The following SHLD1 variants were observed in gnomAD, a reference collection of about 807,000 sequenced individuals.
SHLD1 encodes the protein RINN1-REV7-interacting novel NHEJ regulator 3.
In SHLD1, 3 loss-of-function variants were observed where a neutral mutation model predicts 5.5. The observed-to-expected ratio is 0.54, with a 90% confidence interval of 0.25 to 1.40. The LOEUF (loss-of-function observed/expected upper bound fraction) is 1.40. Ranked by LOEUF, SHLD1 falls within the 40% of genes most tolerant of loss-of-function variation. The pLI is 0.15. For missense variants in SHLD1, 210 were observed against 244.4 expected, an observed-to-expected ratio of 0.86 and a Z score of 0.94; for synonymous variants, 92 against 94.3, an observed-to-expected ratio of 0.98 and a Z score of 0.14.
At chr20:5,790,905 G>A (rs974259822) in intron 2 of SHLD1, among the ~76,000 whole-genome samples, 1 of 152,166 alleles carries the variant, frequency 6.6e-6, no homozygotes, top group African/African-American at 2.4e-5. Flanking sequence ...GCTCACGCCT[G>A]TACTCCCAGC....
intron 2 of SHLD1, among the ~76,000 whole-genome samples, chr20:5,776,031 A>C (rs140332123): frequency 6.9e-6 from 1 of 145,920 alleles, no homozygotes; most frequent in Non-Finnish European, 1.5e-5. Flanking sequence ...AGGTTCAAGC[A>C]ATTCTCCTGT....
At chr20:5,791,290 C>A (rs1488866278) in intron 2 of SHLD1, among the ~76,000 whole-genome samples, 1 of 151,962 alleles carries the variant, frequency 6.6e-6, no homozygotes, top group Non-Finnish European at 1.5e-5. Flanking sequence ...GTCAGTTGGG[C>A]ACAGTGGCTT....
chr20:5,783,942 A>G (rs1409418679), intron 2 of SHLD1, among the ~76,000 whole-genome samples: 1 of 152,128 alleles, frequency 6.6e-6, no homozygotes, highest in Non-Finnish European at 1.5e-5. Context: ...ACTTGAAGCC[A>G]GGAGTTTGAG....
chr20:5,818,797 A>G (rs976117554), intron 2 of SHLD1, among the ~76,000 whole-genome samples: 2 of 152,178 alleles, frequency 1.3e-5, no homozygotes, highest in African/African-American at 4.8e-5. Flanking sequence ...ACTGGAATCC[A>G]CCATGGGGTG....
At position 5,856,740 on chromosome 20, in the gene SHLD1, A is replaced by T. The variant is rs1019306778; in HGVS notation, c.179-6284A>T. 2.0e-5 allele frequency among the ~76,000 whole-genome samples: 3 copies of T among 152,206 alleles called. No individual in the cohort carries two copies. In the East Asian group the frequency reaches 5.8e-4, roughly 29 times the overall value. On this transcript the variant is annotated intron_variant, in intron 2 of 2. Coordinates refer to ENST00000303142, the MANE Select transcript of SHLD1 (RefSeq NM_152504.4). ...TTGTCATTTTCATGCCTGTGACTTT[A>T]AAAAAAATTTTCTTTTAATTTTATT...
At chr20:5,753,556 G>A (rs1330965632) in intron 1 of SHLD1, among the ~76,000 whole-genome samples, 2 of 152,226 alleles carry the variant, frequency 1.3e-5, no homozygotes, top group Non-Finnish European at 2.9e-5. Context: ...TAAGCAAGCT[G>A]GAAGCTTGCA....
At chr20:5,775,923 ATTTTT>A (rs533313849) in intron 2 of SHLD1, among the ~76,000 whole-genome samples, 3,218 of 77,652 alleles carry the variant, frequency 0.041, 116 homozygotes, top group Admixed American at 0.057. Flanking sequence ...TCAGCTCAGG[ATTTTT>A]TTTTTTTTTT....
intron 1 of SHLD1, among the ~76,000 whole-genome samples, chr20:5,767,770 G>C (rs1984923820): frequency 6.6e-6 from 1 of 152,120 alleles, no homozygotes; most frequent in African/African-American, 2.4e-5. Flanking sequence ...TGGAGGGGTA[G>C]GGAACACCTA....
At chr20:5,757,857 C>CGGGTGTA (rs1984208956) in intron 1 of SHLD1, among the ~76,000 whole-genome samples, 3 of 152,180 alleles carry the variant, frequency 2.0e-5, no homozygotes, top group Non-Finnish European at 4.4e-5. Context: ...CCCGCCTCAG[C>CGGGTGTA]CTCCCAAAGT....
chr20:5,773,964 G>A (rs1388238660), intron 2 of SHLD1, among the ~76,000 whole-genome samples: 1 of 152,112 alleles, frequency 6.6e-6, no homozygotes, highest in Non-Finnish European at 1.5e-5. Flanking sequence ...AACACTTTGG[G>A]AGGCCGAGGC....
chr20:5,846,079 C>G (rs376915863), intron 2 of SHLD1, among the ~76,000 whole-genome samples: 1 of 152,236 alleles, frequency 6.6e-6, no homozygotes, highest in African/African-American at 2.4e-5. Flanking sequence ...CTTTCCTCAT[C>G]TATTACAGAT....
chr20:5,780,619 C>CAGGCTT (rs1985641753), intron 2 of SHLD1, among the ~76,000 whole-genome samples: 1 of 152,174 alleles, frequency 6.6e-6, no homozygotes, highest in South Asian at 2.1e-4. Context: ...AACATGGGCC[C>CAGGCTT]AGGCTTAGGC....
At chr20:5,791,249 G>A (rs1025785818) in intron 2 of SHLD1, among the ~76,000 whole-genome samples, 4 of 99,578 alleles carry the variant, frequency 4.0e-5, no homozygotes, top group African/African-American at 1.2e-4. Flanking sequence ...GAAAATCTTA[G>A]CAAATAAATA....
At position 5,864,244 on chromosome 20, in the gene SHLD1, T is replaced by C. The variant is rs983887169; in HGVS notation, c.*781T>C. On this transcript the variant is annotated 3_prime_UTR_variant, in exon 3 of 3. Coordinates refer to ENST00000303142, the MANE Select transcript of SHLD1 (RefSeq NM_152504.4). The stretch of plus-strand genomic sequence containing the variant: ...ATTCACAATTCTTTTTAAAATCTCT[T>C]GTCTTTTATCAGATTGCAAACGTGA... Among the ~76,000 whole-genome samples the C allele has an allele frequency of 6.6e-6, 1 of 152,212 alleles. No homozygotes were observed. The highest frequency in any genetic ancestry group is 1.5e-5 in the Non-Finnish European group (1 of 68,032).
At chr20:5,791,053 C>T (rs56138817) in intron 2 of SHLD1, among the ~76,000 whole-genome samples, 1 of 151,908 alleles carries the variant, frequency 6.6e-6, no homozygotes, top group African/African-American at 2.4e-5. Flanking sequence ...GTCCTAGCTA[C>T]TTGGGAGGCT....
chr20:5,782,960 A>G (rs2087006435), intron 2 of SHLD1, among the ~76,000 whole-genome samples: 1 of 152,226 alleles, frequency 6.6e-6, no homozygotes, highest in Non-Finnish European at 1.5e-5. Context: ...ATAAAATGCT[A>G]AAGACATTTT....
intron 2 of SHLD1, among the ~76,000 whole-genome samples, chr20:5,818,042 GTTTTC>G (rs1324280891): frequency 6.6e-6 from 1 of 151,314 alleles, no homozygotes; most frequent in Non-Finnish European, 1.5e-5. Context: ...TTTTTGTCCA[GTTTTC>G]TTTTCTTTTT....
chr20:5,863,336 C>A lies in SHLD1; in HGVS notation c.491C>A (p.Ser164Tyr), dbSNP rs1291560586. ...RDGCSVLQRH[S>Y]RDTHFYPLEE... ...GGCTGCTCCGTCTTACAGAGGCATT[C>A]CAGGGACACCCACTTCTACCCACTG... Residue 164 changes from serine to tyrosine, a missense_variant, in exon 3 of 3, where the codon TCC becomes TAC. Ser to Tyr is a moderately radical substitution (Grantham distance 144). Coordinates refer to ENST00000303142, the MANE Select transcript of SHLD1 (RefSeq NM_152504.4). The A allele has an allele frequency of 6.2e-7, 1 of 1,614,192 alleles. No homozygotes were observed. The highest frequency in any genetic ancestry group is 1.3e-5 in the African/African-American group (1 of 75,052).
chr20:5,770,171 T>A, intron 1 of SHLD1, among the ~76,000 whole-genome samples: 1 of 152,164 alleles, frequency 6.6e-6, no homozygotes, highest in African/African-American at 2.4e-5. Context: ...AAGATCTCAA[T>A]GCTTGGGGAT....
Sources: gnomAD v4.1 joint callset for allele counts (sites outside exome capture counted in the v4.1 genomes callset) on GRCh38, gnomAD v4.1.1 for gene constraint, MANE v1.5 for transcripts, NCBI Gene and HGNC (gene_info 2026-07-23, HGNC 2026-07-21) for gene names.